PTPRD: variants seen among roughly 807,000 people sequenced by gnomAD.
PTPRD encodes the protein receptor-type tyrosine-protein phosphatase delta.
In PTPRD, 34 loss-of-function variants were observed where a neutral mutation model predicts 214.5. That is an observed-to-expected ratio of 0.16 (90% CI 0.12 to 0.21). PTPRD has a LOEUF of 0.21. PTPRD is among the 10% of genes least tolerant of loss of function. The pLI is 1.00. For synonymous variants in PTPRD, 1,128 were observed against 845.7 expected (o/e 1.33, Z -5.79); for missense variants, 2,545 against 2,398.7 (o/e 1.06, Z -1.27).
chr9:8,369,911 A>C (rs1166509541), intron 39 of PTPRD, among the ~76,000 whole-genome samples: 5 of 152,094 alleles, frequency 3.3e-5, no homozygotes, highest in South Asian at 2.1e-4. Context: ...GCAAATACTT[A>C]GAGCAAATCA....
At chr9:10,183,210 A>T (rs2099310859) in intron 3 of PTPRD, among the ~76,000 whole-genome samples, 1 of 152,158 alleles carries the variant, frequency 6.6e-6, no homozygotes, top group Non-Finnish European at 1.5e-5. Flanking sequence ...TTTATCATCC[A>T]TGAATGGAGA....
chr9:10,395,772 C>A (rs758229628), intron 2 of PTPRD, among the ~76,000 whole-genome samples: 3 of 151,714 alleles, frequency 2.0e-5, no homozygotes, highest in Non-Finnish European at 4.4e-5. Flanking sequence ...GTTTTAAATA[C>A]CTGAATGAAG....
intron 2 of PTPRD, among the ~76,000 whole-genome samples, chr9:10,397,957 T>C (rs2098202614): frequency 6.6e-6 from 1 of 151,972 alleles, no homozygotes. Context: ...ATGACTGATA[T>C]TAATTAGGAG....
At chr9:10,452,521 T>C (rs911743723) in intron 2 of PTPRD, among the ~76,000 whole-genome samples, 2 of 151,840 alleles carry the variant, frequency 1.3e-5, no homozygotes, top group Non-Finnish European at 3.0e-5. Context: ...CCCTAACATG[T>C]GGGAAGGAAT....
chr9:9,962,561 T>A (rs1253407851), intron 4 of PTPRD, among the ~76,000 whole-genome samples: 1 of 152,158 alleles, frequency 6.6e-6, no homozygotes, highest in Non-Finnish European at 1.5e-5. Context: ...AAATTGCCTC[T>A]GTAAACTCCG....
intron 3 of PTPRD, among the ~76,000 whole-genome samples, chr9:10,035,918 A>G (rs2154136604): frequency 6.6e-6 from 1 of 151,842 alleles, no homozygotes; most frequent in South Asian, 2.1e-4. Flanking sequence ...AGGAAGCGGA[A>G]ATCTATATCT....
intron 14 of PTPRD, among the ~76,000 whole-genome samples, chr9:8,630,088 G>A (rs2096202555): frequency 6.6e-6 from 1 of 151,746 alleles, no homozygotes; most frequent in South Asian, 2.1e-4. Flanking sequence ...ATAAATCAAT[G>A]ATCTTCATCC....
intron 3 of PTPRD, among the ~76,000 whole-genome samples, chr9:10,192,591 T>C (rs139035249): frequency 2.0e-5 from 3 of 152,202 alleles, no homozygotes; most frequent in East Asian, 3.9e-4. Context: ...TTCTGCACTA[T>C]TCAAATGACT....
At chr9:8,511,335 C>T (rs2097677171) in intron 21 of PTPRD, among the ~76,000 whole-genome samples, 1 of 152,132 alleles carries the variant, frequency 6.6e-6, no homozygotes, top group South Asian at 2.1e-4. Flanking sequence ...CCACTCAAAG[C>T]ACTGAGAGTA....
At chr9:8,554,589 T>C (rs2083153310) in intron 14 of PTPRD, among the ~76,000 whole-genome samples, 1 of 152,208 alleles carries the variant, frequency 6.6e-6, no homozygotes, top group Non-Finnish European at 1.5e-5. Context: ...GACACATTAA[T>C]AGGCTAAGAA....
At chr9:10,164,548 T>C (rs1253565334) in intron 3 of PTPRD, among the ~76,000 whole-genome samples, 2 of 151,728 alleles carry the variant, frequency 1.3e-5, no homozygotes, top group South Asian at 2.1e-4. Context: ...ACTAACTTCA[T>C]ATTACAGTTT....
chr9:8,658,122 T>C (rs941886939), intron 12 of PTPRD, among the ~76,000 whole-genome samples: 34 of 152,186 alleles, frequency 2.2e-4, no homozygotes, highest in African/African-American at 8.2e-4. Flanking sequence ...AAACTGATTC[T>C]TTTCAGCTTA....
intron 12 of PTPRD, among the ~76,000 whole-genome samples, chr9:8,732,057 C>T (rs2098665428): frequency 6.6e-6 from 1 of 152,154 alleles, no homozygotes; most frequent in African/African-American, 2.4e-5. Flanking sequence ...TTTTGTAAGA[C>T]TACACAGCAT....
At chr9:9,630,175 T>C (rs2095546033) in intron 7 of PTPRD, among the ~76,000 whole-genome samples, 1 of 152,230 alleles carries the variant, frequency 6.6e-6, no homozygotes, top group African/African-American at 2.4e-5. Flanking sequence ...TTACAGGACT[T>C]ACAAATGCTG....
At chr9:9,349,227 C>A (rs948166355) in intron 9 of PTPRD, among the ~76,000 whole-genome samples, 1 of 152,076 alleles carries the variant, frequency 6.6e-6, no homozygotes, top group Non-Finnish European at 1.5e-5. Flanking sequence ...AAATTCTGAG[C>A]TCCTTAACAT....
intron 34 of PTPRD, among the ~76,000 whole-genome samples, chr9:8,449,306 A>T (rs2095849603): frequency 6.6e-6 from 1 of 152,104 alleles, no homozygotes; most frequent in Admixed American, 6.6e-5. Context: ...ACAAACAAAA[A>T]GGAAAATATA....
chr9:9,413,186 C>T (rs1299820342), intron 8 of PTPRD, among the ~76,000 whole-genome samples: 2 of 129,308 alleles, frequency 1.5e-5, no homozygotes, highest in Non-Finnish European at 3.1e-5. Context: ...GCAATCTCGG[C>T]TCACTGCAAG....
chr9:8,638,946 G>A (rs920384996), intron 12 of PTPRD, among the ~76,000 whole-genome samples: 74 of 152,228 alleles, frequency 4.9e-4, no homozygotes, highest in African/African-American at 1.5e-3. Context: ...AGGTTCAAGC[G>A]ATTCTCCTGC....
intron 11 of PTPRD, among the ~76,000 whole-genome samples, chr9:8,743,356 A>G (rs1390590077): frequency 6.6e-6 from 1 of 152,206 alleles, no homozygotes; most frequent in East Asian, 1.9e-4. Context: ...GTTAAATGGA[A>G]CAGACATTGC....
Sources: allele counts gnomAD v4.1 joint callset (sites outside exome capture counted in the v4.1 genomes callset), GRCh38; gene constraint gnomAD v4.1.1; transcripts MANE v1.5; gene names NCBI Gene and HGNC (gene_info 2026-07-23, HGNC 2026-07-21).